The following SETD2 variants were observed in gnomAD, a reference collection of about 807,000 sequenced individuals.
The protein encoded by SETD2 is SET domain containing 2, histone lysine methyltransferase.
SETD2 carries 31 observed loss-of-function variants against 242.1 expected under a neutral mutation model. The observed-to-expected ratio is 0.13, with a 90% CI of 0.10 to 0.17. The LOEUF (loss-of-function observed/expected upper bound fraction) is 0.17. SETD2 is among the 10% of genes least tolerant of loss of function. The pLI, the probability that SETD2 is intolerant of heterozygous loss-of-function variation, is 1.00. For missense variants in SETD2, 2,481 were observed against 3,046.3 expected, an observed-to-expected ratio of 0.81 and a Z score of 4.37; for synonymous variants, 1,006 against 1,066.5, an observed-to-expected ratio of 0.94 and a Z score of 1.11.
chr3:47,049,817 TTA>T lies in SETD2; in HGVS notation c.6964-3198_6964-3197del, dbSNP rs1223701945. On this transcript the variant is annotated intron_variant, in intron 15 of 20. Coordinates refer to ENST00000409792, the MANE Select transcript of SETD2 (RefSeq NM_014159.7). ...TTATTCTGAGTTTATATTATATATA[TTA>T]TATATATAAACTTATTCTGAGTTTA... Among the ~76,000 whole-genome samples, 7 of 38,270 alleles carry T rather than the reference TTA, an allele frequency of 1.8e-4. No homozygotes were observed. In the South Asian group the frequency reaches 3.7e-3, roughly 20 times the overall value. 25.1% of individuals were successfully genotyped at this position (38,270 alleles called of 152,430 possible). A position where few individuals can be genotyped will look rare whatever the true frequency, so the allele number is the denominator to read the frequency against.
At chr3:47,156,130 G>A (rs1223944924) in intron 1 of SETD2, among the ~76,000 whole-genome samples, 2 of 152,120 alleles carry the variant, frequency 1.3e-5, no homozygotes, top group South Asian at 2.1e-4. Flanking sequence ...CAGAGAAGCT[G>A]GTCAACTTTT....
chr3:47,068,488 ACTATC>A (rs2040662388), intron 12 of SETD2, among the ~76,000 whole-genome samples: 1 of 138,440 alleles, frequency 7.2e-6, no homozygotes, highest in African/African-American at 2.9e-5. Flanking sequence ...TTTCAAATAC[ACTATC>A]TTTTTTTTTT....
In SETD2 at chr3:47,016,667, G is replaced by C. The variant is rs1299955345; in HGVS notation, c.*426C>G. On this transcript the variant is annotated 3_prime_UTR_variant, in exon 21 of 21. Transcript: ENST00000409792. ...AGCATGTAGAGGCTAAAAGCAAAAC[G>C]AAAACCAAACAAAAACCAGGAAAAA... The C allele has an allele frequency of 4.2e-6, 1 of 236,168 alleles. No homozygotes were observed. Among genetic ancestry groups the C allele is most frequent in the Non-Finnish European group, 8.3e-6 (1 of 119,940 alleles). 14.6% of individuals were successfully genotyped at this position (236,168 alleles called of 1,614,324 possible).
At chr3:47,101,597 AGTGTGTGTGTGTGTGTGT>A (rs61571386) in intron 7 of SETD2, 42 bp from the exon 8 acceptor site, 3 of 734,010 alleles carry the variant, frequency 4.1e-6, no homozygotes, top group East Asian at 2.8e-5. Context: ...GTAACTTATT[AGTGTGTGTGTGTGTGTGT>A]GTGTGTGTGT....
rs10672755 is a variant in SETD2 at position 47,111,079 on chromosome 3, T to TAAAAAAAAAAAAAAAAAAAAAA, written c.4715+2775_4715+2796dup. Among the ~76,000 whole-genome samples the TAAAAAAAAAAAAAAAAAAAAAA allele has an allele frequency of 2.5e-5, 2 of 78,816 alleles. 1 individual carries two copies. The highest frequency in any genetic ancestry group is 4.5e-5 in the Non-Finnish European group (2 of 44,130). The allele number at this position is 78,816 out of a possible 152,430, so 51.7% of individuals were successfully genotyped here. ...GCTTGTGTCCAAACTGTGGTTCCTT[T>TAAAAAAAAAAAAAAAAAAAAAA]AAAAAAAAAAAAAAAAAAAAAAAAA... On this transcript the variant is annotated intron_variant, in intron 5 of 20. Transcript: ENST00000409792.
At chr3:47,135,974 T>C (rs1315382232) in intron 1 of SETD2, among the ~76,000 whole-genome samples, 2 of 152,074 alleles carry the variant, frequency 1.3e-5, no homozygotes, top group Non-Finnish European at 1.5e-5. Flanking sequence ...TTCTTCAGTT[T>C]TTCCTCCTCC....
intron 13 of SETD2, among the ~76,000 whole-genome samples, chr3:47,063,508 A>G (rs2040429570): frequency 6.6e-6 from 1 of 152,138 alleles, no homozygotes; most frequent in Non-Finnish European, 1.5e-5. Flanking sequence ...CCAAAAAATC[A>G]GAATGCCAGC....
intron 16 of SETD2, among the ~76,000 whole-genome samples, chr3:47,044,134 A>G (rs1039074941): frequency 6.6e-6 from 1 of 151,966 alleles, no homozygotes. Flanking sequence ...CGAGGTCAGG[A>G]GTTTGAGACC....
At chr3:47,127,621 G>A in intron 1 of SETD2, 2 of 424,600 alleles carry the variant, frequency 4.7e-6, no homozygotes, top group Non-Finnish European at 4.7e-6. Context: ...CAGCACTTTG[G>A]GAGGCCGAGG....
At chr3:47,137,533 A>G (rs2043616840) in intron 1 of SETD2, among the ~76,000 whole-genome samples, 3 of 151,932 alleles carry the variant, frequency 2.0e-5, no homozygotes, top group Admixed American at 1.3e-4. Flanking sequence ...TTTATTTTTT[A>G]TTTATAAATA....
chr3:47,052,649 T>C (rs76072330), intron 15 of SETD2, among the ~76,000 whole-genome samples: 1 of 151,928 alleles, frequency 6.6e-6, no homozygotes, highest in Non-Finnish European at 1.5e-5. Context: ...AAACCCTGTC[T>C]CTACTAAAAA....
intron 9 of SETD2, among the ~76,000 whole-genome samples, chr3:47,089,546 G>A (rs977087138): frequency 2.0e-5 from 3 of 152,128 alleles, no homozygotes; most frequent in Non-Finnish European, 4.4e-5. Context: ...TTATAATTAT[G>A]CTTTGTAACA....
chr3:47,072,065 T>C (rs1490910855), intron 12 of SETD2, among the ~76,000 whole-genome samples: 4 of 152,076 alleles, frequency 2.6e-5, no homozygotes, highest in Non-Finnish European at 5.9e-5. Flanking sequence ...TCCCAGCACT[T>C]TGGGAGGCCG....
chr3:47,097,615 A>T (rs1257417531), intron 9 of SETD2, among the ~76,000 whole-genome samples: 1 of 152,226 alleles, frequency 6.6e-6, no homozygotes, highest in African/African-American at 2.4e-5. Flanking sequence ...TTAGAGTACC[A>T]AACAAAGACA....
intron 1 of SETD2, among the ~76,000 whole-genome samples, chr3:47,153,432 C>G (rs1465929419): frequency 1.3e-5 from 2 of 152,184 alleles, no homozygotes; most frequent in Non-Finnish European, 2.9e-5. Flanking sequence ...TGGCCAGCCT[C>G]AAACCAACCA....
Position 47,123,282 on chromosome 3 carries a change from C to T in SETD2, c.1354G>A (p.Asp452Asn), listed in dbSNP as rs2106699905. ...ERTRYSRPYT[D>N]NRARESSDSE... ...TCAGAACTCTCTCGTGCTCTGTTATCTGTGTATGGCCGAGAATAGCGCGTC... is the reference window on the plus strand; with the variant it reads ...TCAGAACTCTCTCGTGCTCTGTTATTTGTGTATGGCCGAGAATAGCGCGTC... Residue 452 changes from aspartate to asparagine, a missense_variant, in exon 3 of 21, where the codon GAT becomes AAT. Asp to Asn is a conservative substitution (Grantham distance 23). Coordinates refer to ENST00000409792, the MANE Select transcript of SETD2 (RefSeq NM_014159.7). 1.3e-6 allele frequency: 2 copies of T among 1,552,146 alleles called. No homozygotes were observed. The highest frequency in any genetic ancestry group is 1.7e-6 in the Non-Finnish European group (2 of 1,147,096).
chr3:47,093,810 G>T (rs373623816), intron 9 of SETD2, among the ~76,000 whole-genome samples: 5 of 152,120 alleles, frequency 3.3e-5, no homozygotes, highest in Non-Finnish European at 7.3e-5. Flanking sequence ...GAGATCTGTT[G>T]TTCTTATGTA....
intron 1 of SETD2, among the ~76,000 whole-genome samples, chr3:47,160,810 G>A (rs1488845698): frequency 1.3e-5 from 2 of 152,124 alleles, no homozygotes; most frequent in Admixed American, 6.5e-5. Context: ...AAGACTAACT[G>A]GATCTACTTT....
At chr3:47,047,773 T>C in intron 15 of SETD2, among the ~76,000 whole-genome samples, 1 of 152,158 alleles carries the variant, frequency 6.6e-6, no homozygotes, top group East Asian at 1.9e-4. Flanking sequence ...CAGAATAGTA[T>C]CACAAAGCCT....
Sources: gnomAD v4.1 joint callset for allele counts (sites outside exome capture counted in the v4.1 genomes callset) on GRCh38, gnomAD v4.1.1 for gene constraint, MANE v1.5 for transcripts, NCBI Gene and HGNC (gene_info 2026-07-23, HGNC 2026-07-21) for gene names.